The following STARD13 variants were observed in gnomAD, a reference collection of about 807,000 sequenced individuals.
The protein encoded by STARD13 is stAR-related lipid transfer protein 13.
A neutral mutation model predicts 106.4 loss-of-function variants in STARD13; 62 were observed. The ratio of observed to expected loss-of-function variants is 0.58; its 90% confidence interval spans 0.48 to 0.72. The LOEUF (loss-of-function observed/expected upper bound fraction) is 0.72, where lower values mean the gene tolerates loss of function less well. STARD13 is among the 30% of genes least tolerant of loss of function. STARD13 has a pLI of 0.00. For synonymous variants in STARD13, 565 were observed against 553.0 expected (o/e 1.02, Z -0.31); for missense variants, 1,387 against 1,424.0 (o/e 0.97, Z 0.42).
chr13:33,165,821 AG>A (rs1390512039), intron 2 of STARD13, among the ~76,000 whole-genome samples: 2 of 152,256 alleles, frequency 1.3e-5, no homozygotes, highest in East Asian at 3.8e-4. Context: ...TCCTTCAAAA[AG>A]GAAATTTCCA....
chr13:33,207,096 G>C (rs1484610723), intron 1 of STARD13, among the ~76,000 whole-genome samples: 1 of 152,226 alleles, frequency 6.6e-6, no homozygotes, highest in Non-Finnish European at 1.5e-5. Flanking sequence ...TCTGGCAGAG[G>C]ATGATACCAA....
the STARD13 span, among the ~76,000 whole-genome samples, chr13:33,429,344 C>T: frequency 6.6e-6 from 1 of 152,132 alleles, no homozygotes; most frequent in African/African-American, 2.4e-5. Flanking sequence ...CGCCTGTAAT[C>T]CCAGCACTTT....
chr13:33,220,647 G>C (rs1888306130), intron 1 of STARD13, among the ~76,000 whole-genome samples: 1 of 152,118 alleles, frequency 6.6e-6, no homozygotes, highest in Non-Finnish European at 1.5e-5. Context: ...AGCCAAGATT[G>C]TGCCACTACA....
chr13:33,319,860 C>A (rs1348252062), intron 1 of STARD13, among the ~76,000 whole-genome samples: 1 of 152,148 alleles, frequency 6.6e-6, no homozygotes, highest in Non-Finnish European at 1.5e-5. Flanking sequence ...CTTGTGTACT[C>A]CTTGCTGTAT....
At chr13:33,673,968 C>A in the STARD13 span, among the ~76,000 whole-genome samples, 2 of 151,814 alleles carry the variant, frequency 1.3e-5, no homozygotes, top group Admixed American at 1.3e-4. Flanking sequence ...TCAAGCAGTT[C>A]TCCTGCCTCA....
chr13:33,254,926 G>T (rs976069379), intron 1 of STARD13, among the ~76,000 whole-genome samples: 76 of 152,166 alleles, frequency 5.0e-4, no homozygotes, highest in African/African-American at 1.7e-3. Context: ...CTTCCAGGAT[G>T]CTGGACAAGA....
chr13:33,518,563 G>T, the STARD13 span, among the ~76,000 whole-genome samples: 210 of 152,004 alleles, frequency 1.4e-3, no homozygotes, highest in Non-Finnish European at 2.5e-3. Context: ...GGGAGGTGGG[G>T]CACCAATTTA....
chr13:33,545,392 G>T, the STARD13 span, among the ~76,000 whole-genome samples: 6 of 152,236 alleles, frequency 3.9e-5, no homozygotes, highest in Admixed American at 2.0e-4. Context: ...ACTGTGCCTG[G>T]CCCGAAAGGT....
At chr13:33,659,931 A>G in the STARD13 span, 1 of 152,188 alleles carries the variant, frequency 6.6e-6, no homozygotes, top group Non-Finnish European at 1.5e-5. Flanking sequence ...AATCTTGATT[A>G]CTCATGGGCT....
the STARD13 span, among the ~76,000 whole-genome samples, chr13:33,637,701 G>T: frequency 6.6e-6 from 1 of 152,134 alleles, no homozygotes; most frequent in African/African-American, 2.4e-5. Context: ...TCATTCAAGG[G>T]CTATGATAAT....
At chr13:33,409,440 C>G in the STARD13 span, among the ~76,000 whole-genome samples, 1 of 152,176 alleles carries the variant, frequency 6.6e-6, no homozygotes, top group Non-Finnish European at 1.5e-5. Flanking sequence ...GCTTTGAGCA[C>G]TGCACCATGA....
At chr13:33,152,322 CAT>C (rs1450168736) in intron 3 of STARD13, among the ~76,000 whole-genome samples, 1 of 151,208 alleles carries the variant, frequency 6.6e-6, no homozygotes, top group Non-Finnish European at 1.5e-5. Flanking sequence ...TCCTCCTTCA[CAT>C]GTTTTTTTCA....
At chr13:33,156,530 A>C (rs1882008166) in intron 3 of STARD13, among the ~76,000 whole-genome samples, 1 of 152,180 alleles carries the variant, frequency 6.6e-6, no homozygotes, top group African/African-American at 2.4e-5. Context: ...AAAAAACTAA[A>C]AGTTCAAACA....
At chr13:33,255,037 G>A (rs1044664388) in intron 1 of STARD13, among the ~76,000 whole-genome samples, 1 of 152,100 alleles carries the variant, frequency 6.6e-6, no homozygotes, top group South Asian at 2.1e-4. Context: ...GGACAGCAGG[G>A]CTAAAAGGGC....
At chr13:33,408,481 C>G in the STARD13 span, among the ~76,000 whole-genome samples, 1 of 152,026 alleles carries the variant, frequency 6.6e-6, no homozygotes, top group Non-Finnish European at 1.5e-5. Context: ...TAGCATGTGG[C>G]AGAATTTCTT....
At chr13:33,110,218 T>C (rs1315427738) in intron 11 of STARD13, 128 bp from the exon 12 acceptor site, 3 of 734,132 alleles carry the variant, frequency 4.1e-6, no homozygotes, top group African/African-American at 1.8e-5. Flanking sequence ...ATTATGTAAA[T>C]TGAGAGTGAT....
At chr13:33,258,254 C>G (rs36080368) in intron 1 of STARD13, among the ~76,000 whole-genome samples, 23,797 of 152,196 alleles carry the variant, frequency 0.16, 2,459 homozygotes, top group Admixed American at 0.31. Context: ...TTAAAGCAAG[C>G]AATTGCCCAC....
chr13:33,585,192 G>T, the STARD13 span, among the ~76,000 whole-genome samples: 4 of 152,142 alleles, frequency 2.6e-5, no homozygotes, highest in African/African-American at 9.7e-5. Context: ...GTGTAAAATG[G>T]TACAATCACT....
intron 1 of STARD13, among the ~76,000 whole-genome samples, chr13:33,232,318 T>A (rs978335630): frequency 3.9e-5 from 6 of 152,292 alleles, no homozygotes; most frequent in Middle Eastern, 3.4e-3. Flanking sequence ...GTCTTCAAAA[T>A]TAAATAAATA....
Sources: gnomAD v4.1 joint callset for allele counts (sites outside exome capture counted in the v4.1 genomes callset) on GRCh38, gnomAD v4.1.1 for gene constraint, MANE v1.5 for transcripts, NCBI Gene and HGNC (gene_info 2026-07-23, HGNC 2026-07-21) for gene names.